ZNF804B: variants seen among roughly 807,000 people sequenced by gnomAD.
The protein encoded by ZNF804B is zinc finger 804B.
ZNF804B carries 80 observed loss-of-function variants against 101.4 expected under a neutral mutation model. The ratio of observed to expected loss-of-function variants is 0.79; its 90% confidence interval spans 0.66 to 0.95. The LOEUF is 0.95. ZNF804B is among the 40% of genes least tolerant of loss of function. The probability of loss-of-function intolerance (pLI) is 0.00; values close to 1 mark genes in which losing one functional copy is unlikely to be tolerated. For missense variants in ZNF804B, 1,673 were observed against 1,561.9 expected (o/e 1.07, Z -1.20); for synonymous variants, 622 against 558.8 (o/e 1.11, Z -1.59).
intron 1 of ZNF804B, among the ~76,000 whole-genome samples, chr7:88,914,322 A>G (rs954418626): frequency 1.3e-5 from 2 of 152,146 alleles, no homozygotes; most frequent in Admixed American, 6.5e-5. Context: ...GATAGGGTCC[A>G]TGTTTGGCGT....
At position 89,301,099 on chromosome 7, in the gene ZNF804B, G is replaced by GTTTTT. The variant is rs5885673; in HGVS notation, c.250-26226_250-26222dup. Among the ~76,000 whole-genome samples, 23 of 77,626 alleles carry GTTTTT rather than the reference G, an allele frequency of 3.0e-4. 1 individual carries two copies. The highest frequency in any genetic ancestry group is 1.2e-3 in the South Asian group (2 of 1,678). The allele number at this position is 77,626 out of a possible 152,430, so 50.9% of individuals were successfully genotyped here. On this transcript the variant is annotated intron_variant, in intron 2 of 3. Transcript: ENST00000333190. ...TCAGAGATTGGAATTTTTCAAGCGTGTTTTTTTTTTTTTTTTTTTTTTTGG... is the reference window on the plus strand; with the variant it reads ...TCAGAGATTGGAATTTTTCAAGCGTGTTTTTTTTTTTTTTTTTTTTTTTTTTTTGG...
At chr7:89,024,273 A>T (rs532621254) in intron 1 of ZNF804B, among the ~76,000 whole-genome samples, 41 of 152,284 alleles carry the variant, frequency 2.7e-4, no homozygotes, top group African/African-American at 9.1e-4. Flanking sequence ...ATTTTTCAGG[A>T]TAATACTTAG....
At chr7:89,060,822 A>C (rs1789369472) in intron 1 of ZNF804B, among the ~76,000 whole-genome samples, 1 of 152,190 alleles carries the variant, frequency 6.6e-6, no homozygotes, top group Non-Finnish European at 1.5e-5. Context: ...GTGCATGTAC[A>C]TAAAAAACAC....
At chr7:89,276,211 T>G (rs1389382944) in intron 2 of ZNF804B, among the ~76,000 whole-genome samples, 2 of 151,716 alleles carry the variant, frequency 1.3e-5, no homozygotes, top group African/African-American at 4.9e-5. Context: ...AAATAGGTAA[T>G]GCATGCTGGG....
intron 1 of ZNF804B, among the ~76,000 whole-genome samples, chr7:89,102,386 T>TTA (rs1790068640): frequency 6.6e-6 from 1 of 152,006 alleles, no homozygotes; most frequent in Non-Finnish European, 1.5e-5. Flanking sequence ...AAAACCATTA[T>TTA]GAGTGGTATA....
chr7:89,325,072 T>C (rs971644208), intron 2 of ZNF804B, among the ~76,000 whole-genome samples: 2 of 152,038 alleles, frequency 1.3e-5, no homozygotes, highest in Non-Finnish European at 2.9e-5. Flanking sequence ...TGGCTTTATA[T>C]GAATGCTAGA....
chr7:89,074,959 C>G (rs556921967), intron 1 of ZNF804B, among the ~76,000 whole-genome samples: 1 of 152,202 alleles, frequency 6.6e-6, no homozygotes, highest in East Asian at 1.9e-4. Flanking sequence ...TTTGCCCATG[C>G]CCTAGAGATT....
intron 1 of ZNF804B, among the ~76,000 whole-genome samples, chr7:88,774,446 T>G (rs990372715): frequency 6.6e-6 from 1 of 152,110 alleles, no homozygotes; most frequent in African/African-American, 2.4e-5. Context: ...GTACCTCTTT[T>G]TCATTGGGTA....
chr7:89,025,855 A>G (rs1328174114), intron 1 of ZNF804B, among the ~76,000 whole-genome samples: 1 of 152,146 alleles, frequency 6.6e-6, no homozygotes, highest in Non-Finnish European at 1.5e-5. Flanking sequence ...TACTCTACTG[A>G]AATTACGATT....
At chr7:89,093,620 G>A (rs1239799992) in intron 1 of ZNF804B, among the ~76,000 whole-genome samples, 2 of 152,180 alleles carry the variant, frequency 1.3e-5, no homozygotes, top group Non-Finnish European at 2.9e-5. Context: ...ACATTGCCCT[G>A]TTTGTACGAT....
chr7:89,119,242 G>A (rs1205350002), intron 1 of ZNF804B, among the ~76,000 whole-genome samples: 1 of 152,116 alleles, frequency 6.6e-6, no homozygotes, highest in Non-Finnish European at 1.5e-5. Flanking sequence ...AAAAATTATT[G>A]ATGGCTTAGG....
intron 1 of ZNF804B, among the ~76,000 whole-genome samples, chr7:89,016,836 G>A (rs188376269): frequency 1.1e-4 from 17 of 152,152 alleles, no homozygotes; most frequent in South Asian, 4.1e-4. Flanking sequence ...TTTTGGTTCC[G>A]TATGAACTTT....
intron 1 of ZNF804B, among the ~76,000 whole-genome samples, chr7:88,859,799 A>T (rs1583981307): frequency 6.6e-6 from 1 of 152,016 alleles, no homozygotes; most frequent in East Asian, 1.9e-4. Context: ...GTTTAAGCTA[A>T]TATTATATAA....
chr7:89,100,922 A>ATGTGTG (rs1166123655), intron 1 of ZNF804B, among the ~76,000 whole-genome samples: 2 of 151,894 alleles, frequency 1.3e-5, no homozygotes, highest in African/African-American at 4.8e-5. Flanking sequence ...TCAAGGTTAT[A>ATGTGTG]TGTGTGTGTG....
At chr7:89,077,628 G>A (rs1417129121) in intron 1 of ZNF804B, among the ~76,000 whole-genome samples, 1 of 152,026 alleles carries the variant, frequency 6.6e-6, no homozygotes, top group Non-Finnish European at 1.5e-5. Context: ...TTAAAGTTCT[G>A]AATTTGAAAA....
chr7:89,266,544 A>G (rs1360580223), intron 2 of ZNF804B, among the ~76,000 whole-genome samples: 5 of 152,304 alleles, frequency 3.3e-5, no homozygotes, highest in South Asian at 4.1e-4. Context: ...TTTTTCATAT[A>G]AAAACCAAAG....
intron 1 of ZNF804B, among the ~76,000 whole-genome samples, chr7:89,185,500 A>C (rs569353725): frequency 2.5e-4 from 38 of 152,248 alleles, no homozygotes; most frequent in African/African-American, 8.9e-4. Flanking sequence ...TTAGTCCAGT[A>C]AATAGTGAAA....
chr7:89,165,021 T>C (rs1262267477), intron 1 of ZNF804B, among the ~76,000 whole-genome samples: 1 of 152,094 alleles, frequency 6.6e-6, no homozygotes, highest in African/African-American at 2.4e-5. Flanking sequence ...GAAGAAAATG[T>C]GATTCATTAA....
intron 1 of ZNF804B, among the ~76,000 whole-genome samples, chr7:88,806,275 TC>T (rs918542310): frequency 4.6e-5 from 7 of 152,146 alleles, no homozygotes; most frequent in Non-Finnish European, 1.5e-5. Flanking sequence ...GATTACCCAG[TC>T]CTTAAAATTG....
Sources: gnomAD v4.1 joint callset for allele counts (sites outside exome capture counted in the v4.1 genomes callset) on GRCh38, gnomAD v4.1.1 for gene constraint, MANE v1.5 for transcripts, NCBI Gene and HGNC (gene_info 2026-07-23, HGNC 2026-07-21) for gene names.